The following KDM4C variants were observed in gnomAD, a reference collection of about 807,000 sequenced individuals.
The protein encoded by KDM4C is lysine-specific demethylase 4C.
KDM4C carries 81 observed loss-of-function variants against 129.3 expected under a neutral mutation model. The observed-to-expected ratio is 0.63, with a 90% CI of 0.52 to 0.75. KDM4C has a LOEUF of 0.75. KDM4C is among the 30% of genes least tolerant of loss of function. The pLI, the probability that KDM4C is intolerant of heterozygous loss-of-function variation, is 0.00. For missense variants in KDM4C, 1,457 were observed against 1,304.0 expected, an observed-to-expected ratio of 1.12 and a Z score of -1.81; for synonymous variants, 573 against 456.1, an observed-to-expected ratio of 1.26 and a Z score of -3.26.
At chr9:7,045,534 G>A (rs1259564492) in intron 15 of KDM4C, among the ~76,000 whole-genome samples, 1 of 151,974 alleles carries the variant, frequency 6.6e-6, no homozygotes, top group African/African-American at 2.4e-5. Context: ...TTTGGATTGT[G>A]AAATTTTGCT....
At chr9:6,986,841 G>T in intron 11 of KDM4C, 175 bp downstream of exon 11, 2 of 527,922 alleles carry the variant, frequency 3.8e-6, no homozygotes, top group East Asian at 5.8e-5. Context: ...GTGAGCTGTG[G>T]CTCACATAGT....
At chr9:6,790,859 A>G (rs1426462363) in intron 1 of KDM4C, among the ~76,000 whole-genome samples, 1 of 152,030 alleles carries the variant, frequency 6.6e-6, no homozygotes, top group Non-Finnish European at 1.5e-5. Context: ...ATGTTTGCTG[A>G]AGGAATCATC....
intron 4 of KDM4C, among the ~76,000 whole-genome samples, chr9:6,845,242 C>T (rs985393335): frequency 6.6e-6 from 1 of 152,174 alleles, no homozygotes; most frequent in African/African-American, 2.4e-5. Flanking sequence ...GAGACAGGGT[C>T]TTGCTCTGTC....
intron 1 of KDM4C, chr9:6,727,185 T>A (rs1349491307): frequency 6.6e-6 from 1 of 152,192 alleles, no homozygotes; most frequent in Non-Finnish European, 1.5e-5. Flanking sequence ...GCACAGTGGC[T>A]TGTGCCTGTA....
chr9:6,810,944 T>C (rs1173111591), intron 3 of KDM4C, among the ~76,000 whole-genome samples: 1 of 152,218 alleles, frequency 6.6e-6, no homozygotes, highest in Non-Finnish European at 1.5e-5. Context: ...ATAATTGTTG[T>C]AATGTTAAAC....
chr9:7,169,702 G>A, intron 20 of KDM4C, 96 bp from the exon 21 acceptor site: 1 of 941,978 alleles, frequency 1.1e-6, no homozygotes, highest in South Asian at 1.8e-5. Context: ...TGTTCTGTTT[G>A]AGTCCTTTTC....
intron 1 of KDM4C, among the ~76,000 whole-genome samples, chr9:6,737,589 G>A (rs969969078): frequency 4.8e-5 from 7 of 145,636 alleles, no homozygotes; most frequent in Non-Finnish European, 7.5e-5. Flanking sequence ...GCTTGAACCC[G>A]AGAGGCAGAG....
chr9:6,977,635 T>C (rs975824150), intron 8 of KDM4C, among the ~76,000 whole-genome samples: 1 of 152,164 alleles, frequency 6.6e-6, no homozygotes, highest in Non-Finnish European at 1.5e-5. Context: ...TAATTCATGT[T>C]ATGGACATTT....
intron 4 of KDM4C, among the ~76,000 whole-genome samples, chr9:6,841,624 T>C (rs1037364614): frequency 6.6e-6 from 1 of 152,102 alleles, no homozygotes; most frequent in South Asian, 2.1e-4. Flanking sequence ...CATCTTCACG[T>C]TTTGTGTGTT....
chr9:6,783,923 C>A (rs1053380759), intron 1 of KDM4C, among the ~76,000 whole-genome samples: 1 of 152,022 alleles, frequency 6.6e-6, no homozygotes, highest in African/African-American at 2.4e-5. Context: ...CTGTGAGAGG[C>A]TGGGGAGAGA....
At chr9:6,963,468 C>T (rs553354721) in intron 8 of KDM4C, among the ~76,000 whole-genome samples, 9 of 152,250 alleles carry the variant, frequency 5.9e-5, no homozygotes, top group African/African-American at 1.4e-4. Flanking sequence ...AGTATCGTGC[C>T]GCATATTCAT....
intron 8 of KDM4C, among the ~76,000 whole-genome samples, chr9:6,899,731 T>C (rs928755163): frequency 2.0e-5 from 3 of 152,220 alleles, no homozygotes; most frequent in Non-Finnish European, 2.9e-5. Context: ...CTTCAAGAAG[T>C]CTGAGACTTC....
At chr9:6,907,572 G>A (rs1818547017) in intron 8 of KDM4C, among the ~76,000 whole-genome samples, 1 of 152,126 alleles carries the variant, frequency 6.6e-6, no homozygotes, top group Non-Finnish European at 1.5e-5. Context: ...TAGGGGAAGA[G>A]GGTAGTATAA....
chr9:7,124,807 G>A (rs1263863383), intron 18 of KDM4C, among the ~76,000 whole-genome samples: 5 of 152,156 alleles, frequency 3.3e-5, no homozygotes. Context: ...AGGAAGGAAA[G>A]AAGGGAAATA....
intron 19 of KDM4C, among the ~76,000 whole-genome samples, chr9:7,162,241 T>G (rs1356833745): frequency 6.6e-6 from 1 of 152,178 alleles, no homozygotes; most frequent in Non-Finnish European, 1.5e-5. Flanking sequence ...GAAAAAGAGT[T>G]CTGAAAGCAA....
Position 6,729,258 on chromosome 9 carries a change from GGGCCAGACGTTGT to G in KDM4C, c.49+8265_49+8277del, listed in dbSNP as rs1180769043. On this transcript the variant is annotated intron_variant, in intron 1 of 17. Transcript: ENST00000536108. ...AGAAAAGAAATAAATGGAAGAAACA[GGGCCAGACGTTGT>G]GGCTTATGCCTGCAATCCCAGTACT... 1.6e-5 allele frequency among the ~76,000 whole-genome samples: 2 copies of G among 122,984 alleles called. 1 individual carries two copies. The highest frequency in any genetic ancestry group is 3.2e-5 in the Non-Finnish European group (2 of 62,058). 80.7% of individuals were successfully genotyped at this position (122,984 alleles called of 152,430 possible).
chr9:6,891,581 A>G (rs1225256073), intron 7 of KDM4C, among the ~76,000 whole-genome samples: 1 of 152,164 alleles, frequency 6.6e-6, no homozygotes, highest in Non-Finnish European at 1.5e-5. Flanking sequence ...TCTAAAATTA[A>G]TTGTGATAGT....
At chr9:6,947,621 G>A (rs938164505) in intron 8 of KDM4C, among the ~76,000 whole-genome samples, 4 of 151,926 alleles carry the variant, frequency 2.6e-5, no homozygotes, top group African/African-American at 4.8e-5. Context: ...GTATGAGGCC[G>A]AGACCAACTT....
chr9:6,772,220 G>T (rs909906008), intron 1 of KDM4C, among the ~76,000 whole-genome samples: 4 of 152,106 alleles, frequency 2.6e-5, no homozygotes, highest in African/African-American at 7.2e-5. Context: ...CGCGATCTCG[G>T]CTCACTGCAA....
Sources: gnomAD v4.1 joint callset for allele counts (sites outside exome capture counted in the v4.1 genomes callset) on GRCh38, gnomAD v4.1.1 for gene constraint, MANE v1.5 for transcripts, NCBI Gene and HGNC (gene_info 2026-07-23, HGNC 2026-07-21) for gene names.